The following CASTOR2 variants were observed in gnomAD, a reference collection of about 807,000 sequenced individuals.
CASTOR2 encodes GATS protein like 2.
In CASTOR2, 8 loss-of-function variants were observed where a neutral mutation model predicts 31.2. The ratio of observed to expected loss-of-function variants is 0.26; its 90% CI spans 0.15 to 0.46. The LOEUF is 0.46. Ranked by LOEUF, CASTOR2 falls within the 20% of genes least tolerant of loss-of-function variation. The probability of loss-of-function intolerance (pLI) is 0.99; values close to 1 mark genes in which losing one functional copy is unlikely to be tolerated. For missense variants in CASTOR2, 216 were observed against 382.1 expected (o/e 0.57, Z 3.62); for synonymous variants, 162 against 158.7 (o/e 1.02, Z -0.16).
Position 75,024,566 on chromosome 7 carries a change from A to C in CASTOR2, c.924+32A>C, listed in dbSNP as rs1805077332. The C allele has an allele frequency of 2.6e-6, 4 of 1,551,472 alleles. No homozygotes were observed. The East Asian group carries it at 7.3e-5, about 28-fold the overall frequency. On this transcript the variant is annotated intron_variant, in intron 8 of 8. Coordinates refer to ENST00000616305, the MANE Select transcript of CASTOR2 (RefSeq NM_001145064.3). ...GTCCAGCGCCAGACCCCTCCAGGGC[A>C]GGGCCGGGGTGGGGAAGCAGGTTCC...
intron 1 of CASTOR2, among the ~76,000 whole-genome samples, chr7:74,987,262 G>A (rs1208570720): frequency 5.3e-5 from 8 of 151,904 alleles, no homozygotes; most frequent in Non-Finnish European, 1.2e-4. Context: ...AAAATTATCC[G>A]GGCCTGGTGG....
At chr7:74,970,961 A>T (rs1803664358) in intron 1 of CASTOR2, among the ~76,000 whole-genome samples, 1 of 149,184 alleles carries the variant, frequency 6.7e-6, no homozygotes, top group South Asian at 2.1e-4. Context: ...AGAAGAAGAA[A>T]TGTAACCAGG....
chr7:75,024,816 C>T lies in CASTOR2; in HGVS notation c.*117C>T, dbSNP rs956813085. On this transcript the variant is annotated 3_prime_UTR_variant, in exon 9 of 9. Transcript: ENST00000616305. The stretch of plus-strand genomic sequence containing the variant: ...CAGCCTGGGGACCCTGAGGAAGGGG[C>T]CTCTGTGGGAGACTCCCTCGATTGC... The T allele has an allele frequency of 3.9e-6, 6 of 1,548,744 alleles. No individual in the cohort carries two copies. Among genetic ancestry groups the T allele is most frequent in the Non-Finnish European group, 5.2e-6 (6 of 1,146,414 alleles).
At chr7:75,012,831 G>A (rs1311046341) in intron 2 of CASTOR2, among the ~76,000 whole-genome samples, 1 of 151,848 alleles carries the variant, frequency 6.6e-6, no homozygotes, top group Non-Finnish European at 1.5e-5. Context: ...TAGAGACAGG[G>A]TTTCACCATG....
chr7:75,029,395 G>A lies in CASTOR2; in HGVS notation c.*4696G>A, dbSNP rs1188399736. On this transcript the variant is annotated 3_prime_UTR_variant, in exon 9 of 9. Coordinates refer to ENST00000616305, the MANE Select transcript of CASTOR2 (RefSeq NM_001145064.3). Reference sequence around the variant, plus strand: ...TTTTTTTTTTTTGAGACAGGCTGGAGTGCAGTGGTGCGATCTCGGTTCGCT... The same window carrying A: ...TTTTTTTTTTTTGAGACAGGCTGGAATGCAGTGGTGCGATCTCGGTTCGCT... Among the ~76,000 whole-genome samples the A allele has an allele frequency of 5.4e-5, 8 of 148,588 alleles. No homozygotes were observed. The highest frequency in any genetic ancestry group is 1.0e-4 in the Non-Finnish European group (7 of 67,408).
Position 75,027,807 on chromosome 7 carries a change from G to A in CASTOR2, c.*3108G>A, listed in dbSNP as rs936998288. 19 of 604,598 alleles carry A rather than the reference G, an allele frequency of 3.1e-5. No individual in the cohort carries two copies. The highest frequency in any genetic ancestry group is 5.7e-5 in the South Asian group (3 of 52,392). The allele number at this position is 604,598 out of a possible 1,614,324, so 37.5% of individuals were successfully genotyped here. A position where few individuals can be genotyped will look rare whatever the true frequency, so the allele number is the denominator to read the frequency against. ...ATCTTCTCGGCGTTCTGTGTGTAGC[G>A]TAGTCTTGGTTTGGTCTCCACAGCT... is the stretch of plus-strand genomic sequence containing the variant. On this transcript the variant is annotated 3_prime_UTR_variant, in exon 9 of 9. Coordinates refer to ENST00000616305, the MANE Select transcript of CASTOR2 (RefSeq NM_001145064.3).
chr7:75,022,980 C>T (rs1482886369), intron 7 of CASTOR2, among the ~76,000 whole-genome samples: 6 of 152,134 alleles, frequency 3.9e-5, no homozygotes, highest in African/African-American at 1.4e-4. Flanking sequence ...GTCTGACACC[C>T]AACACTTTAC....
chr7:75,020,225 AC>A, intron 6 of CASTOR2, 76 bp downstream of exon 6: 1 of 1,294,576 alleles, frequency 7.7e-7, no homozygotes, highest in Non-Finnish European at 1.1e-6. Context: ...ATGGCACATC[AC>A]CCACTTTGTC....
chr7:75,015,558 A>G (rs1804845373), intron 2 of CASTOR2, among the ~76,000 whole-genome samples: 1 of 152,098 alleles, frequency 6.6e-6, no homozygotes, highest in Non-Finnish European at 1.5e-5. Context: ...GAGTACGGGC[A>G]TGAGCCACCG....
chr7:74,977,123 G>A lies in CASTOR2; in HGVS notation c.113+12025G>A, dbSNP rs1335364279. ...CGCTTGAACCTGGAAGGCAGAGGTT[G>A]CAGTGAGCCGAAATCGTGCCACTAC... On this transcript the variant is annotated intron_variant, in intron 1 of 8. Transcript: ENST00000616305. Among the ~76,000 whole-genome samples, 66 of 144,754 alleles carry A rather than the reference G, an allele frequency of 4.6e-4. 1 individual carries two copies. The highest frequency in any genetic ancestry group is 7.6e-4 in the Non-Finnish European group (51 of 66,768). The allele number at this position is 144,754 out of a possible 152,430, so 95.0% of individuals were successfully genotyped here.
At chr7:74,988,918 C>T (rs1239436524) in intron 1 of CASTOR2, among the ~76,000 whole-genome samples, 3 of 149,322 alleles carry the variant, frequency 2.0e-5, no homozygotes, top group African/African-American at 5.0e-5. Context: ...GTTTCTATTA[C>T]TGTAGAATAT....
chr7:74,975,056 C>T (rs1249103267), intron 1 of CASTOR2, among the ~76,000 whole-genome samples: 22 of 151,202 alleles, frequency 1.5e-4, no homozygotes, highest in African/African-American at 5.1e-4. Context: ...GCAACCTCTG[C>T]CTCCTGGGTT....
intron 1 of CASTOR2, among the ~76,000 whole-genome samples, chr7:74,982,097 G>T (rs1406130212): frequency 6.9e-6 from 1 of 143,990 alleles, no homozygotes; most frequent in East Asian, 2.1e-4. Flanking sequence ...GGGAAGAAGC[G>T]TACCCCACCA....
At chr7:74,996,750 A>C in intron 1 of CASTOR2, among the ~76,000 whole-genome samples, 1 of 35,272 alleles carries the variant, frequency 2.8e-5, no homozygotes, top group Non-Finnish European at 5.5e-5. Context: ...TTTTTTGGAG[A>C]CAGAATCTTA....
intron 7 of CASTOR2, among the ~76,000 whole-genome samples, chr7:75,023,759 T>A (rs1412359199): frequency 6.6e-6 from 1 of 152,104 alleles, no homozygotes; most frequent in Non-Finnish European, 1.5e-5. Flanking sequence ...CACTTTTAAA[T>A]AGCCAGATCT....
Position 75,013,407 on chromosome 7 carries a change from G to C in CASTOR2, c.185-4191G>C, listed in dbSNP as rs1804796708. Among the ~76,000 whole-genome samples, 2 of 152,178 alleles carry C rather than the reference G, an allele frequency of 1.3e-5. 1 individual carries two copies. Among genetic ancestry groups the C allele is most frequent in the South Asian group, 4.1e-4 (2 of 4,826 alleles). ...TGCCTGTAATCCCAGCCCTTTGGGA[G>C]GCTGAGGCAGGTAGATCGCTTGAGC... On this transcript the variant is annotated intron_variant, in intron 2 of 8. Coordinates refer to ENST00000616305, the MANE Select transcript of CASTOR2 (RefSeq NM_001145064.3).
Position 75,019,033 on chromosome 7 carries a change from G to A in CASTOR2, c.573G>A (p.Leu191=), listed in dbSNP as rs1204653828. The A allele has an allele frequency of 6.4e-7, 1 of 1,551,820 alleles. No individual in the cohort carries two copies. Among genetic ancestry groups the A allele is most frequent in the African/African-American group, 1.4e-5 (1 of 73,046 alleles). Residue 191 remains leucine (L), a synonymous_variant, in exon 5 of 9, where the codon CTG becomes CTA. Transcript: ENST00000616305. ...SPSNRFCVTS[L]DPDTLPAVAT... is the part of the protein sequence containing the mutation. Reference sequence around the variant, plus strand: ...GCAACAGGTTCTGTGTCACCAGCCTGGACCCTGACACGCTGCCTGCTGTTG... The same window carrying A: ...GCAACAGGTTCTGTGTCACCAGCCTAGACCCTGACACGCTGCCTGCTGTTG...
intron 1 of CASTOR2, among the ~76,000 whole-genome samples, chr7:75,006,301 C>G (rs1804604822): frequency 6.6e-6 from 1 of 152,184 alleles, no homozygotes; most frequent in Non-Finnish European, 1.5e-5. Flanking sequence ...AAGAAAGAAA[C>G]TGCCAAATGA....
chr7:75,010,868 T>C (rs2131947700), intron 2 of CASTOR2, among the ~76,000 whole-genome samples: 1 of 152,104 alleles, frequency 6.6e-6, no homozygotes, highest in Middle Eastern at 3.4e-3. Context: ...TTTTTTTTTC[T>C]TTGAGACAGA....
Sources: allele counts gnomAD v4.1 joint callset (sites outside exome capture counted in the v4.1 genomes callset), GRCh38; gene constraint gnomAD v4.1.1; transcripts MANE v1.5; gene names NCBI Gene and HGNC (gene_info 2026-07-23, HGNC 2026-07-21).